Variants in TMTC4 observed in about 807,000 individuals in gnomAD.
TMTC4 encodes the protein transmembrane O-mannosyltransferase targeting cadherins 4, also known as protein O-mannosyl-transferase TMTC4.
In TMTC4, 65 loss-of-function variants were observed where a neutral mutation model predicts 86.0. The observed-to-expected ratio is 0.76, with a 90% confidence interval of 0.62 to 0.93. TMTC4 has a LOEUF of 0.93. Ranked by LOEUF, TMTC4 falls within the 40% of genes least tolerant of loss-of-function variation. The pLI is 0.00. For missense variants in TMTC4, 866 were observed against 948.1 expected, an observed-to-expected ratio of 0.91 and a Z score of 1.14; for synonymous variants, 379 against 382.5, an observed-to-expected ratio of 0.99 and a Z score of 0.11.
chr13:100,635,110 C>T lies in TMTC4; in HGVS notation c.1288G>A (p.Glu430Lys), dbSNP rs760250350. The change falls in exon 11 of 19, where the codon GAG (glutamate) becomes AAG (lysine). Residue 430 changes from glutamate to lysine, a missense_variant. By Grantham distance (56) the Glu-to-Lys change is moderately conservative (BLOSUM62 1). Coordinates refer to ENST00000342624, the MANE Select transcript of TMTC4 (RefSeq NM_032813.5). ...ACGCTGGGGAGGTAGAGGACACGCT[C>T]TGCGACCACGAAGCCCACTCGGAAG... ...LFFRVGFVVA[E>K]RVLYLPSVGY... 1.9e-6 allele frequency: 3 copies of T among 1,614,018 alleles called. No homozygotes were observed. Among genetic ancestry groups the T allele is most frequent in the Non-Finnish European group, 2.5e-6 (3 of 1,180,028 alleles).
At chr13:100,642,574 T>C (rs9518122) in intron 6 of TMTC4, among the ~76,000 whole-genome samples, 150,359 of 152,246 alleles carry the variant, frequency 0.99, 74,267 homozygotes, top group Middle Eastern at 1. Context: ...CACAAAGACG[T>C]CTCATGCCAG....
chr13:100,645,950 T>C (rs1883678221), intron 6 of TMTC4, among the ~76,000 whole-genome samples: 1 of 152,070 alleles, frequency 6.6e-6, no homozygotes, highest in Admixed American at 6.6e-5. Context: ...CAATCAAAAA[T>C]GTCACAGATA....
At chr13:100,668,452 G>T in intron 3 of TMTC4, 127 bp downstream of exon 3, 1 of 921,498 alleles carries the variant, frequency 1.1e-6, no homozygotes, top group Non-Finnish European at 1.6e-6. Context: ...GAAAAATCGA[G>T]AGCACCATCG....
intron 6 of TMTC4, among the ~76,000 whole-genome samples, chr13:100,643,605 A>C (rs1883323720): frequency 6.6e-6 from 1 of 152,252 alleles, no homozygotes; most frequent in Admixed American, 6.5e-5. Context: ...GGGGTAGAGG[A>C]GGGAGAAAGT....
At position 100,630,057 on chromosome 13, in the gene TMTC4, G is replaced by A. The variant is rs185696643; in HGVS notation, c.1507-3907C>T. Among the ~76,000 whole-genome samples, 492 of 127,798 alleles carry A rather than the reference G, an allele frequency of 3.8e-3. 3 individuals carry two copies. Among genetic ancestry groups the A allele is most frequent in the African/African-American group, 0.014 (465 of 34,176 alleles). 83.8% of individuals were successfully genotyped at this position (127,798 alleles called of 152,430 possible). Reference sequence around the variant, plus strand: ...TGTGTGTGTGTGTGTGTGTGTGTGTGTGTGTGTGTATGTGTGTGTGTGTGT... The same window carrying A: ...TGTGTGTGTGTGTGTGTGTGTGTGTATGTGTGTGTATGTGTGTGTGTGTGT... On this transcript the variant is annotated intron_variant, in intron 12 of 18. Coordinates refer to ENST00000342624, the MANE Select transcript of TMTC4 (RefSeq NM_032813.5).
intron 1 of TMTC4, among the ~76,000 whole-genome samples, chr13:100,672,230 G>C (rs2139082698): frequency 6.6e-6 from 1 of 152,358 alleles, no homozygotes; most frequent in Non-Finnish European, 1.5e-5. Flanking sequence ...CTGAGCACTA[G>C]GGCCAGCAGT....
intron 1 of TMTC4, 98 bp downstream of exon 1, chr13:100,674,646 C>A: frequency 5.1e-6 from 5 of 982,720 alleles, no homozygotes; most frequent in Non-Finnish European, 4.8e-6. Context: ...GTGCGGGGCT[C>A]GGGACACGGC....
At chr13:100,645,569 C>A (rs920698990) in intron 6 of TMTC4, among the ~76,000 whole-genome samples, 7 of 152,128 alleles carry the variant, frequency 4.6e-5, no homozygotes, top group African/African-American at 1.7e-4. Context: ...GAGCCCCGTG[C>A]ACCTCTCCAT....
At chr13:100,607,055 G>A (rs1353373168) in intron 17 of TMTC4, among the ~76,000 whole-genome samples, 5 of 152,204 alleles carry the variant, frequency 3.3e-5, no homozygotes, top group African/African-American at 9.7e-5. Flanking sequence ...CTAAAAGGCA[G>A]GGCAAAGTGT....
chr13:100,651,570 A>C (rs115400244), intron 6 of TMTC4, among the ~76,000 whole-genome samples: 1,624 of 151,842 alleles, frequency 0.011, 28 homozygotes, highest in African/African-American at 0.038. Context: ...TTTTCTGAAA[A>C]TACTAGGATT....
At chr13:100,664,623 C>T (rs1215167959) in intron 3 of TMTC4, among the ~76,000 whole-genome samples, 1 of 152,156 alleles carries the variant, frequency 6.6e-6, no homozygotes, top group African/African-American at 2.4e-5. Context: ...GTGCTTCTGC[C>T]AGCTCCCAAC....
intron 17 of TMTC4, among the ~76,000 whole-genome samples, chr13:100,606,894 G>A (rs976220989): frequency 6.6e-6 from 1 of 152,178 alleles, no homozygotes; most frequent in African/African-American, 2.4e-5. Context: ...CATCTGGAAA[G>A]AATGTGCAGA....
chr13:100,630,055 G>A (rs1391080559), intron 12 of TMTC4, among the ~76,000 whole-genome samples: 9 of 150,004 alleles, frequency 6.0e-5, no homozygotes, highest in African/African-American at 1.7e-4. Flanking sequence ...GTGTGTGTGT[G>A]TGTGTGTGTG....
intron 15 of TMTC4, among the ~76,000 whole-genome samples, chr13:100,619,340 C>T (rs1223225502): frequency 7.6e-6 from 1 of 130,740 alleles, no homozygotes; most frequent in Admixed American, 8.4e-5. Context: ...CACACACACA[C>T]ACACACACAC....
At chr13:100,639,355 T>C (rs1243150078) in intron 7 of TMTC4, among the ~76,000 whole-genome samples, 2 of 152,152 alleles carry the variant, frequency 1.3e-5, no homozygotes, top group Non-Finnish European at 2.9e-5. Context: ...ATGATCTTAG[T>C]GGGTCACAGA....
intron 12 of TMTC4, among the ~76,000 whole-genome samples, chr13:100,630,057 G>T (rs185696643): frequency 1.6e-5 from 2 of 127,828 alleles, no homozygotes; most frequent in East Asian, 5.3e-4. Flanking sequence ...GTGTGTGTGT[G>T]TGTGTGTGTA....
At chr13:100,666,457 T>C (rs1333113229) in intron 3 of TMTC4, among the ~76,000 whole-genome samples, 1 of 152,212 alleles carries the variant, frequency 6.6e-6, no homozygotes, top group African/African-American at 2.4e-5. Flanking sequence ...TGGCTTCATC[T>C]GCCTCACCTC....
chr13:100,623,692 T>C (rs1449678223), intron 15 of TMTC4, among the ~76,000 whole-genome samples: 1 of 126,184 alleles, frequency 7.9e-6, no homozygotes, highest in Non-Finnish European at 1.6e-5. Context: ...GCCAATGCAA[T>C]GGCTGGTCTT....
intron 15 of TMTC4, among the ~76,000 whole-genome samples, chr13:100,623,587 C>T (rs1055802692): frequency 2.0e-5 from 3 of 147,816 alleles, no homozygotes; most frequent in African/African-American, 2.5e-5. Context: ...CCCTAAATGT[C>T]AGATGGGGTG....
Sources: gnomAD v4.1 joint callset for allele counts (sites outside exome capture counted in the v4.1 genomes callset) on GRCh38, gnomAD v4.1.1 for gene constraint, MANE v1.5 for transcripts, NCBI Gene and HGNC (gene_info 2026-07-23, HGNC 2026-07-21) for gene names.